TPM3: variants seen among roughly 807,000 people sequenced by gnomAD.
The protein encoded by TPM3 is tropomyosin alpha-3 chain.
A neutral mutation model predicts 43.1 loss-of-function variants in TPM3; 16 were observed. The observed-to-expected ratio is 0.37, with a 90% CI of 0.25 to 0.56. The LOEUF (loss-of-function observed/expected upper bound fraction) is 0.56. Ranked by LOEUF, TPM3 falls within the 20% of genes least tolerant of loss-of-function variation. The pLI is 0.77. For synonymous variants in TPM3, 101 were observed against 116.9 expected (o/e 0.86, Z 0.88); for missense variants, 176 against 337.2 (o/e 0.52, Z 3.74).
downstream of TPM3, chr1:154,157,324 T>C: frequency 4.3e-6 from 2 of 470,070 alleles, no homozygotes; most frequent in Non-Finnish European, 3.9e-6. Flanking sequence ...TTACAAATGG[T>C]TGCTACAAAA....
At chr1:154,174,407 T>TATATACACAC (rs1261318136) in intron 3 of TPM3, among the ~76,000 whole-genome samples, 87 of 72,676 alleles carry the variant, frequency 1.2e-3, no homozygotes, top group African/African-American at 3.8e-3. Context: ...TATATATATA[T>TATATACACAC]ACACACAAAA....
At chr1:154,172,802 CCT>C (rs1661754647) in intron 5 of TPM3, 104 bp downstream of exon 5, 1 of 1,404,036 alleles carries the variant, frequency 7.1e-7, no homozygotes, top group African/African-American at 1.4e-5. Context: ...TTCCCTAGGC[CCT>C]GTTTAACAAG....
chr1:154,183,059 C>T (rs1248890328), intron 2 of TPM3: 2 of 1,605,406 alleles, frequency 1.2e-6, no homozygotes, highest in South Asian at 2.2e-5. Flanking sequence ...GCATCATCTG[C>T]CTGCTGCTGC....
In TPM3 at chr1:154,167,600, A is replaced by G; in HGVS notation, c.*337T>C. 2.5e-6 allele frequency: 3 copies of G among 1,214,576 alleles called. No individual in the cohort carries two copies. The highest frequency in any genetic ancestry group is 3.1e-6 in the Non-Finnish European group (3 of 966,258). The allele number at this position is 1,214,576 out of a possible 1,614,324, so 75.2% of individuals were successfully genotyped here. A position where few individuals can be genotyped will look rare whatever the true frequency, so the allele number is the denominator to read the frequency against. On this transcript the variant is annotated 3_prime_UTR_variant, in exon 10 of 10. Coordinates refer to ENST00000651641, the MANE Select transcript of TPM3 (RefSeq NM_152263.4). ...ATCAGCTGAGTTTAAATGTCAAGAA[A>G]AAATAGACACACACAAAAGTGGCTT...
chr1:154,164,903 T>C lies in TPM3; in HGVS notation c.*3034A>G, dbSNP rs954152273. ...TACCAAATTAATTCTTCTTATATGTTATTCAGATCACAACATATCCTATTC... is the reference window on the plus strand; with the variant it reads ...TACCAAATTAATTCTTCTTATATGTCATTCAGATCACAACATATCCTATTC... On this transcript the variant is annotated 3_prime_UTR_variant, in exon 10 of 10. Coordinates refer to ENST00000651641, the MANE Select transcript of TPM3 (RefSeq NM_152263.4). Among the ~76,000 whole-genome samples, 1 of 152,262 alleles carries C rather than the reference T, an allele frequency of 6.6e-6. No homozygotes were observed.
intron 9 of TPM3, 30 bp from the exon 10 acceptor site, chr1:154,167,970 G>A (rs1661167532): frequency 1.2e-6 from 2 of 1,613,832 alleles, no homozygotes; most frequent in Non-Finnish European, 8.5e-7. Flanking sequence ...TACTCTAGGT[G>A]AGAAGGACTA....
intron 5 of TPM3, chr1:154,171,720 G>A: frequency 3.2e-6 from 2 of 626,822 alleles, no homozygotes; most frequent in Admixed American, 5.5e-5. Flanking sequence ...TACTAATAAA[G>A]CACTTGAGAG....
At chr1:154,176,284 A>T in intron 2 of TPM3, 36 bp from the exon 3 acceptor site, 1 of 1,614,124 alleles carries the variant, frequency 6.2e-7, no homozygotes, top group Non-Finnish European at 8.5e-7. Context: ...AGGGAAGCAG[A>T]GGCATGGAGA....
rs745793928 is a variant in TPM3 at position 154,172,937 on chromosome 1, G to A, written c.537C>T (p.Arg179=). 5 of 1,614,186 alleles carry A rather than the reference G, an allele frequency of 3.1e-6. No homozygotes were observed. The highest frequency in any genetic ancestry group is 1.1e-5 in the South Asian group (1 of 91,084). ...CTGCCAGCTCAGCTCGTTCCTCTGT[G>A]CGTTCCAAGTCTCCTTCAATGATCA... is the stretch of plus-strand genomic sequence containing the variant. ...KLVIIEGDLE[R]TEERAELAES... The change falls in exon 5 of 10, where the codon CGC becomes CGT. Residue 179 remains arginine (R), a synonymous_variant. Transcript: ENST00000651641.
At chr1:154,169,261 C>T (rs1661317278) in intron 9 of TPM3, 44 bp downstream of exon 9, 1 of 1,594,996 alleles carries the variant, frequency 6.3e-7, no homozygotes, top group Non-Finnish European at 8.6e-7. Flanking sequence ...CCCCATCCAC[C>T]CACAAGCCAA....
downstream of TPM3, among the ~76,000 whole-genome samples, chr1:154,158,311 G>GCTATTGAACAGAA (rs1660012313): frequency 6.6e-6 from 1 of 152,184 alleles, no homozygotes. Flanking sequence ...TTGCTGCAGA[G>GCTATTGAACAGAA]CTATTGAACA....
chr1:154,173,199 C>T lies in TPM3; in HGVS notation c.380G>A (p.Gly127Asp), dbSNP rs1490151136. The T allele has an allele frequency of 2.5e-6, 4 of 1,613,428 alleles. No homozygotes were observed. The highest frequency in any genetic ancestry group is 3.4e-6 in the Non-Finnish European group (4 of 1,179,742). ...GGCCCGGTTTTCAATAACCTTCATA[C>T]CTCTGCCAGAAATAGGACAAAAGCA... Reference protein sequence around the residue: ...AEKAADESERGMKVIENRALK... With the variant: ...AEKAADESERDMKVIENRALK... The change falls in exon 4 of 10, where the codon GGT becomes GAT. Residue 127 changes from glycine to aspartate, a missense_variant and splice_region_variant. Coordinates refer to ENST00000651641, the MANE Select transcript of TPM3 (RefSeq NM_152263.4).
At chr1:154,182,820 G>C (rs1663113075) in intron 2 of TPM3, among the ~76,000 whole-genome samples, 1 of 152,052 alleles carries the variant, frequency 6.6e-6, no homozygotes, top group Non-Finnish European at 1.5e-5. Flanking sequence ...CCCCTCGTCC[G>C]CTTGGTGTCC....
intron 5 of TPM3, chr1:154,172,211 CA>C: frequency 9.0e-7 from 1 of 1,105,376 alleles, no homozygotes; most frequent in Non-Finnish European, 1.4e-6. Context: ...AAAAAAAATT[CA>C]AAAAATGGGA....
At chr1:154,189,395 G>A (rs1390228640) in intron 2 of TPM3, among the ~76,000 whole-genome samples, 1 of 152,134 alleles carries the variant, frequency 6.6e-6, no homozygotes, top group Non-Finnish European at 1.5e-5. Context: ...GGCTGAGGCA[G>A]GAGAATGGCT....
At chr1:154,183,926 C>G (rs1323990559) in intron 2 of TPM3, 2 of 146,182 alleles carry the variant, frequency 1.4e-5, no homozygotes, top group Non-Finnish European at 3.0e-5. Context: ...GTGGCGAGAT[C>G]ACAACTCACT....
chr1:154,167,616 A>G lies in TPM3; in HGVS notation c.*321T>C. The G allele has an allele frequency of 8.1e-7, 1 of 1,233,726 alleles. No homozygotes were observed. Among genetic ancestry groups the G allele is most frequent in the Non-Finnish European group, 1.0e-6 (1 of 977,790 alleles). 76.4% of individuals were successfully genotyped at this position (1,233,726 alleles called of 1,614,324 possible). On this transcript the variant is annotated 3_prime_UTR_variant, in exon 10 of 10. Coordinates refer to ENST00000651641, the MANE Select transcript of TPM3 (RefSeq NM_152263.4). ...TGTCAAGAAAAAATAGACACACACA[A>G]AAGTGGCTTTGATTACATAAGTCAG...
intron 3 of TPM3, among the ~76,000 whole-genome samples, chr1:154,174,407 T>TATATAC (rs1261318136): frequency 0.056 from 4,046 of 71,680 alleles, 187 homozygotes; most frequent in East Asian, 0.093. Flanking sequence ...TATATATATA[T>TATATAC]ACACACAAAA....
downstream of TPM3, chr1:154,155,367 CTT>C (rs1013026308): frequency 3.0e-4 from 111 of 372,762 alleles, no homozygotes; most frequent in African/African-American, 2.1e-3. Context: ...CACTGTTTAT[CTT>C]AACACCACAC....
Sources: gnomAD v4.1 joint callset for allele counts (sites outside exome capture counted in the v4.1 genomes callset) on GRCh38, gnomAD v4.1.1 for gene constraint, MANE v1.5 for transcripts, NCBI Gene and HGNC (gene_info 2026-07-23, HGNC 2026-07-21) for gene names.